Variants in PTPRK observed in about 807,000 individuals in gnomAD.
The protein encoded by PTPRK is protein tyrosine phosphatase receptor type K.
PTPRK carries 75 observed loss-of-function variants against 178.0 expected under a neutral mutation model. The ratio of observed to expected loss-of-function variants is 0.42; its 90% CI spans 0.35 to 0.51. The LOEUF (loss-of-function observed/expected upper bound fraction) is 0.51. PTPRK is among the 20% of genes least tolerant of loss of function. PTPRK has a pLI of 0.02. For missense variants in PTPRK, 1,441 were observed against 1,797.8 expected, an observed-to-expected ratio of 0.80 and a Z score of 3.59; for synonymous variants, 637 against 620.6, an observed-to-expected ratio of 1.03 and a Z score of -0.39.
chr6:128,371,178 TC>T (rs1836225681), intron 2 of PTPRK, among the ~76,000 whole-genome samples: 1 of 152,210 alleles, frequency 6.6e-6, no homozygotes, highest in African/African-American at 2.4e-5. Context: ...TTCTTTGTCT[TC>T]GATTATTTCC....
chr6:128,316,525 T>C (rs1828015471), intron 3 of PTPRK, among the ~76,000 whole-genome samples: 1 of 152,182 alleles, frequency 6.6e-6, no homozygotes, highest in Admixed American at 6.5e-5. Flanking sequence ...CAGATTTACA[T>C]TAATTGTTCT....
At chr6:128,062,611 G>C (rs1410499905) in intron 13 of PTPRK, 1 of 166,836 alleles carries the variant, frequency 6.0e-6, no homozygotes, top group Non-Finnish European at 1.5e-5. Flanking sequence ...AAAATTATTA[G>C]CATAATGATA....
chr6:128,184,388 TAG>T, intron 7 of PTPRK, 42 bp downstream of exon 7: 1 of 1,578,880 alleles, frequency 6.3e-7, no homozygotes, highest in Non-Finnish European at 8.7e-7. Context: ...TGTCTTATGC[TAG>T]ATTCCTTCAC....
At chr6:128,374,686 T>C (rs980516254) in intron 2 of PTPRK, among the ~76,000 whole-genome samples, 7 of 152,174 alleles carry the variant, frequency 4.6e-5, no homozygotes, top group Admixed American at 1.3e-4. Context: ...CACAACTGCC[T>C]AATAGCTAGT....
At chr6:128,343,185 G>GAT (rs1300570980) in intron 2 of PTPRK, among the ~76,000 whole-genome samples, 7 of 152,120 alleles carry the variant, frequency 4.6e-5, no homozygotes, top group Admixed American at 2.0e-4. Context: ...TAAGACAGAT[G>GAT]ATATATATAT....
intron 7 of PTPRK, among the ~76,000 whole-genome samples, chr6:128,099,665 C>T (rs1415085312): frequency 6.6e-6 from 1 of 151,944 alleles, no homozygotes; most frequent in African/African-American, 2.4e-5. Context: ...ACTTTAACAC[C>T]TCATTTGATT....
intron 13 of PTPRK, among the ~76,000 whole-genome samples, chr6:128,051,220 G>T (rs965505169): frequency 7.9e-5 from 12 of 151,814 alleles, no homozygotes; most frequent in Admixed American, 3.9e-4. Context: ...AATATTTTTT[G>T]CTCCATTGGT....
chr6:128,448,832 T>G (rs1189752385), intron 1 of PTPRK, among the ~76,000 whole-genome samples: 1 of 152,190 alleles, frequency 6.6e-6, no homozygotes, highest in East Asian at 1.9e-4. Flanking sequence ...TCCAATGCCA[T>G]GCCAGTTTTG....
At chr6:128,018,830 A>T (rs1225990091) in intron 13 of PTPRK, among the ~76,000 whole-genome samples, 3 of 152,144 alleles carry the variant, frequency 2.0e-5, no homozygotes, top group Non-Finnish European at 4.4e-5. Flanking sequence ...TTCTAAAAAA[A>T]ACAGAGATAA....
chr6:128,440,382 A>G (rs946665605), intron 1 of PTPRK, among the ~76,000 whole-genome samples: 9 of 152,220 alleles, frequency 5.9e-5, no homozygotes, highest in Non-Finnish European at 1.2e-4. Flanking sequence ...TTCTCAATCA[A>G]AACTCTTTCC....
At chr6:128,064,721 G>C in intron 13 of PTPRK, 37 bp downstream of exon 13, 2 of 1,572,346 alleles carry the variant, frequency 1.3e-6, no homozygotes, top group Non-Finnish European at 1.7e-6. Context: ...AAGGGGGTGA[G>C]AGTAGTTAAA....
intron 2 of PTPRK, among the ~76,000 whole-genome samples, chr6:128,350,373 A>T (rs1832964164): frequency 6.6e-6 from 1 of 152,184 alleles, no homozygotes; most frequent in African/African-American, 2.4e-5. Flanking sequence ...GAAGTAGAGG[A>T]AGGTAATTTT....
intron 6 of PTPRK, among the ~76,000 whole-genome samples, chr6:128,189,748 C>T (rs927864381): frequency 6.6e-6 from 1 of 152,058 alleles, no homozygotes. Flanking sequence ...ATTTCCCTCA[C>T]TAAAATTTTT....
At chr6:128,251,910 A>G (rs1223400722) in intron 3 of PTPRK, among the ~76,000 whole-genome samples, 1 of 152,202 alleles carries the variant, frequency 6.6e-6, no homozygotes, top group Non-Finnish European at 1.5e-5. Context: ...CACATTATCT[A>G]ACAGGGATGA....
intron 6 of PTPRK, among the ~76,000 whole-genome samples, chr6:128,198,572 T>G (rs956959706): frequency 2.0e-5 from 3 of 152,154 alleles, no homozygotes; most frequent in African/African-American, 4.8e-5. Flanking sequence ...TGTATACCTA[T>G]GTAACAAAAC....
intron 13 of PTPRK, among the ~76,000 whole-genome samples, chr6:128,060,711 AAATTT>A (rs1184515758): frequency 6.6e-6 from 1 of 152,214 alleles, no homozygotes; most frequent in African/African-American, 2.4e-5. Flanking sequence ...GACTAGGATT[AAATTT>A]AATTTAATTC....
At chr6:128,502,063 T>A (rs541745881) in intron 1 of PTPRK, among the ~76,000 whole-genome samples, 1 of 152,332 alleles carries the variant, frequency 6.6e-6, no homozygotes, top group South Asian at 2.1e-4. Flanking sequence ...GGTTTGTTAG[T>A]ACAAAGATGA....
At chr6:127,974,503 G>A (rs1394666654) in intron 27 of PTPRK, among the ~76,000 whole-genome samples, 2 of 152,120 alleles carry the variant, frequency 1.3e-5, no homozygotes, top group African/African-American at 4.8e-5. Flanking sequence ...GTCCCAGGTT[G>A]GCCTGGGACT....
At chr6:128,210,566 G>C (rs139585036) in intron 6 of PTPRK, among the ~76,000 whole-genome samples, 22 of 152,236 alleles carry the variant, frequency 1.4e-4, no homozygotes, top group Middle Eastern at 6.8e-3. Flanking sequence ...AATGCCCAGA[G>C]ACAGAAGTAT....
Sources: gnomAD v4.1 joint callset for allele counts (sites outside exome capture counted in the v4.1 genomes callset) on GRCh38, gnomAD v4.1.1 for gene constraint, MANE v1.5 for transcripts, NCBI Gene and HGNC (gene_info 2026-07-23, HGNC 2026-07-21) for gene names.